Variants in ZNF333 observed in about 807,000 individuals in gnomAD.
ZNF333 encodes the protein zinc finger protein 333.
In ZNF333, 61 loss-of-function variants were observed where a neutral mutation model predicts 76.1. That is an observed-to-expected ratio of 0.80 (90% CI 0.65 to 0.99). The LOEUF (loss-of-function observed/expected upper bound fraction) is 0.99, where lower values mean the gene tolerates loss of function less well. Among genes scored for constraint, ZNF333 ranks in the 50% least tolerant of loss-of-function variants. The pLI is 0.00. For missense variants in ZNF333, 717 were observed against 822.4 expected (o/e 0.87, Z 1.57); for synonymous variants, 284 against 305.0 (o/e 0.93, Z 0.72).
chr19:14,722,012 A>G (rs1291954782), downstream of ZNF333: 3 of 152,220 alleles, frequency 2.0e-5, no homozygotes, highest in Non-Finnish European at 2.9e-5. Context: ...CAGTTTTTCA[A>G]TGTGGTTGAA....
At chr19:14,716,873 A>AT in intron 9 of ZNF333, 121 bp from the exon 10 acceptor site, 1 of 815,158 alleles carries the variant, frequency 1.2e-6, no homozygotes. Flanking sequence ...GGCCATCAGA[A>AT]TTTAGGCACA....
At chr19:14,714,130 A>G (rs1418122065) in intron 7 of ZNF333, among the ~76,000 whole-genome samples, 1 of 152,160 alleles carries the variant, frequency 6.6e-6, no homozygotes, top group African/African-American at 2.4e-5. Flanking sequence ...ATAGCCCATG[A>G]TAGGGAATGA....
downstream of ZNF333, among the ~76,000 whole-genome samples, chr19:14,723,102 A>G (rs372052668): frequency 1.3e-5 from 2 of 152,284 alleles, no homozygotes; most frequent in Non-Finnish European, 2.9e-5. Flanking sequence ...ATTTTTATAT[A>G]TGGAGTAAGA....
downstream of ZNF333, among the ~76,000 whole-genome samples, chr19:14,723,124 C>T (rs558857950): frequency 1.3e-5 from 2 of 152,282 alleles, no homozygotes; most frequent in South Asian, 4.1e-4. Flanking sequence ...AAGAGTCCAA[C>T]TTCATTCTTT....
At chr19:14,701,364 C>T (rs1333188255) in intron 5 of ZNF333, among the ~76,000 whole-genome samples, 8 of 152,254 alleles carry the variant, frequency 5.3e-5, no homozygotes, top group Middle Eastern at 3.4e-3. Context: ...AGCCTCCTCC[C>T]GAGTAGCTGG....
intron 1 of ZNF333, among the ~76,000 whole-genome samples, chr19:14,692,790 G>A (rs1455362117): frequency 6.6e-6 from 1 of 150,930 alleles, no homozygotes; most frequent in Non-Finnish European, 1.5e-5. Flanking sequence ...TGGGATTATA[G>A]GCATGAGCCA....
chr19:14,718,192 A>G (rs1568555055), intron 11 of ZNF333, 36 bp from the exon 12 acceptor site: 1 of 1,566,034 alleles, frequency 6.4e-7, no homozygotes, highest in Non-Finnish European at 8.6e-7. Context: ...TGAATCTAAT[A>G]AGGCCTTTGG....
At chr19:14,692,811 C>T (rs1972871517) in intron 1 of ZNF333, among the ~76,000 whole-genome samples, 1 of 146,230 alleles carries the variant, frequency 6.8e-6, no homozygotes, top group African/African-American at 2.6e-5. Flanking sequence ...CCGTGCTTGA[C>T]CTGGACCTTA....
rs1003145475 is a variant in ZNF333 at position 14,719,761 on chromosome 19, A to G, written c.*436A>G. On this transcript the variant is annotated 3_prime_UTR_variant, in exon 12 of 12. Transcript: ENST00000292530. Reference sequence around the variant, plus strand: ...TGTGGCCTCTTTGTTACTGAGTCATAGGTATTTGCTGAGATTTGCTATTAG... The same window carrying G: ...TGTGGCCTCTTTGTTACTGAGTCATGGGTATTTGCTGAGATTTGCTATTAG... 8 of 991,490 alleles carry G rather than the reference A, an allele frequency of 8.1e-6. No individual in the cohort carries two copies. The Admixed American group carries it at 1.8e-4, about 22-fold the overall frequency. The allele number at this position is 991,490 out of a possible 1,614,324, so 61.4% of individuals were successfully genotyped here. A position where few individuals can be genotyped will look rare whatever the true frequency, so the allele number is the denominator to read the frequency against.
chr19:14,726,049 A>G, downstream of ZNF333, among the ~76,000 whole-genome samples: 1 of 152,164 alleles, frequency 6.6e-6, no homozygotes, highest in East Asian at 1.9e-4. Flanking sequence ...ACATCCTTTG[A>G]AATCTAGGTG....
rs553323353 is a variant in ZNF333, at chr19:14,693,460, C to T, written c.-32C>T. 7.5e-6 allele frequency: 12 copies of T among 1,597,582 alleles called. No homozygotes were observed. Among genetic ancestry groups the T allele is most frequent in the Admixed American group, 3.4e-5 (2 of 59,462 alleles). On this transcript the variant is annotated 5_prime_UTR_variant, in exon 2 of 12. Transcript: ENST00000292530. ...GTCTCCTTTATTGCAGGGAGAACAC[C>T]GACTGAGACCTCAAACCCTGGCTCC...
chr19:14,712,408 C>T lies in ZNF333; in HGVS notation c.512-2974C>T, dbSNP rs571166801. ...CTAATTTTTGTATTTTTAGTAGAGA[C>T]GGGGTTTCGTCATGTTGGCCAGGCT... is the stretch of plus-strand genomic sequence containing the variant. On this transcript the variant is annotated intron_variant, in intron 7 of 11. Coordinates refer to ENST00000292530, the MANE Select transcript of ZNF333 (RefSeq NM_032433.4). Among the ~76,000 whole-genome samples the T allele has an allele frequency of 4.6e-5, 7 of 151,992 alleles. No homozygotes were observed. In the East Asian group the frequency reaches 5.8e-4, roughly 13 times the overall value.
intron 7 of ZNF333, among the ~76,000 whole-genome samples, chr19:14,711,347 C>T (rs1340194627): frequency 1.3e-5 from 2 of 152,114 alleles, no homozygotes; most frequent in Non-Finnish European, 2.9e-5. Context: ...TTAAGGAGCC[C>T]ATCCAGGCCT....
rs8101671 is a variant in ZNF333 at position 14,706,880 on chromosome 19, C to T, written c.511+107C>T. 9.2e-3 allele frequency: 8,362 copies of T among 908,918 alleles called. 375 individuals carry two copies. The African/African-American group carries it at 0.1, about 11-fold the overall frequency. 56.3% of individuals were successfully genotyped at this position (908,918 alleles called of 1,614,324 possible). A position where few individuals can be genotyped will look rare whatever the true frequency, so the allele number is the denominator to read the frequency against. The stretch of plus-strand genomic sequence containing the variant: ...CCTGCATTTCCTCTGACTGCAGGCA[C>T]TGCCGTGGCACCATAGAGAGGATAC... On this transcript the variant is annotated intron_variant, in intron 7 of 11. Coordinates refer to ENST00000292530, the MANE Select transcript of ZNF333 (RefSeq NM_032433.4).
chr19:14,693,434 T>A lies in ZNF333; in HGVS notation c.-41-17T>A, dbSNP rs1972919387. The A allele has an allele frequency of 6.4e-7, 1 of 1,572,552 alleles. No individual in the cohort carries two copies. The highest frequency in any genetic ancestry group is 8.7e-7 in the Non-Finnish European group (1 of 1,150,800). On this transcript the variant is annotated splice_polypyrimidine_tract_variant and intron_variant, in intron 1 of 11. Coordinates refer to ENST00000292530, the MANE Select transcript of ZNF333 (RefSeq NM_032433.4). ...GTCCTCACCCCTTCTTTTACCTCAG[T>A]GTCTCCTTTATTGCAGGGAGAACAC...
At chr19:14,732,137 A>G (rs1224582940) in exon 12 of ZNF333, 1 of 152,200 alleles carries the variant, frequency 6.6e-6, no homozygotes, top group Non-Finnish European at 1.5e-5. Context: ...ACGAGAGTAT[A>G]GGAATACCTC....
intron 1 of ZNF333, 80 bp from the exon 2 acceptor site, chr19:14,693,370 GA>G: frequency 9.1e-7 from 1 of 1,103,918 alleles, no homozygotes; most frequent in Non-Finnish European, 1.3e-6. Flanking sequence ...TTTTGATTGT[GA>G]CCACTCTGCT....
intron 1 of ZNF333, 92 bp from the exon 2 acceptor site, chr19:14,693,359 G>C (rs1362157518): frequency 3.0e-5 from 29 of 965,704 alleles, no homozygotes; most frequent in Non-Finnish European, 3.9e-5. Flanking sequence ...TCCTGTAAGG[G>C]TTTTGATTGT....
chr19:14,696,594 C>A (rs1285739071), intron 4 of ZNF333, among the ~76,000 whole-genome samples: 1 of 151,892 alleles, frequency 6.6e-6, no homozygotes, highest in Non-Finnish European at 1.5e-5. Flanking sequence ...CTTCTTGCAG[C>A]ATCATAACAT....
Sources: allele counts gnomAD v4.1 joint callset (sites outside exome capture counted in the v4.1 genomes callset), GRCh38; gene constraint gnomAD v4.1.1; transcripts MANE v1.5; gene names NCBI Gene and HGNC (gene_info 2026-07-23, HGNC 2026-07-21).